The following SPATA13 variants were observed in gnomAD, a reference collection of about 807,000 sequenced individuals.
SPATA13 encodes spermatogenesis-associated protein 13.
In SPATA13, 50 loss-of-function variants were observed where a neutral mutation model predicts 104.0. The observed-to-expected ratio is 0.48, with a 90% confidence interval of 0.38 to 0.61. SPATA13 has a LOEUF of 0.61. Among genes scored for constraint, SPATA13 ranks in the 20% least tolerant of loss-of-function variants. The pLI, the probability that SPATA13 is intolerant of heterozygous loss-of-function variation, is 0.00. For synonymous variants in SPATA13, 606 were observed against 667.5 expected, an observed-to-expected ratio of 0.91 and a Z score of 1.42; for missense variants, 1,524 against 1,690.6, an observed-to-expected ratio of 0.90 and a Z score of 1.73.
At chr13:24,037,570 T>C (rs1038526393) in intron 3 of SPATA13, among the ~76,000 whole-genome samples, 1 of 151,168 alleles carries the variant, frequency 6.6e-6, no homozygotes, top group African/African-American at 2.4e-5. Flanking sequence ...CCACCACACC[T>C]GGCTAATTTT....
At chr13:24,105,269 C>T (rs1653067347) in intron 3 of SPATA13, among the ~76,000 whole-genome samples, 1 of 152,040 alleles carries the variant, frequency 6.6e-6, no homozygotes, top group African/African-American at 2.4e-5. Flanking sequence ...ACTACAGGTG[C>T]ACACCATCAT....
intron 3 of SPATA13, chr13:24,122,626 C>G (rs73461006): frequency 7.4e-7 from 1 of 1,349,222 alleles, no homozygotes. Flanking sequence ...CCTGTAAGAA[C>G]CTTTTTGCAC....
At chr13:24,173,453 A>G (rs1227492037) in intron 1 of SPATA13, among the ~76,000 whole-genome samples, 1 of 149,814 alleles carries the variant, frequency 6.7e-6, no homozygotes, top group African/African-American at 2.5e-5. Context: ...GTACAAATGG[A>G]ATGGCTTTAT....
chr13:24,224,015 C>A lies in SPATA13; in HGVS notation c.1086C>A (p.Ser362=), dbSNP rs748486836. Residue 362 remains serine (S), a synonymous_variant, in exon 2 of 13, where the codon TCC becomes TCA. Transcript: ENST00000382108. ...QAHSRLHDDY[S]RRVSRSTEQD... ...ACAGCCGGCTGCATGACGACTACTC[C>A]CGCCGCGTCTCCAGGAGCACTGAGC... The A allele has an allele frequency of 5.8e-6, 9 of 1,548,840 alleles. 1 individual carries two copies. In the South Asian group the frequency reaches 9.5e-5, roughly 16 times the overall value.
chr13:24,275,560 T>C (rs1023697082), intron 4 of SPATA13, among the ~76,000 whole-genome samples: 2 of 152,212 alleles, frequency 1.3e-5, no homozygotes. Context: ...TCATATTGAT[T>C]GTATGTAGGC....
rs1319987815 is a variant in SPATA13 at position 24,051,820 on chromosome 13, G to A, written c.-112+34119G>A. ...CCTGCTAAGAGTTATGTTCTCCAGG[G>A]CAGGGCAGAGGGAGATGCCCAAGGG... On this transcript the variant is annotated intron_variant, in intron 3 of 14. Transcript: ENST00000424834. The surrounding 1 kb of genome is among the most constrained non-coding windows in gnomAD (Gnocchi z 4.2). 6.6e-6 allele frequency among the ~76,000 whole-genome samples: 1 copy of A among 152,180 alleles called. No homozygotes were observed. Among genetic ancestry groups the A allele is most frequent in the Non-Finnish European group, 1.5e-5 (1 of 68,028 alleles).
Position 24,189,715 on chromosome 13 carries a change from G to A in SPATA13, c.-112+28783G>A, listed in dbSNP as rs866068132. Among the ~76,000 whole-genome samples, 58 of 21,618 alleles carry A rather than the reference G, an allele frequency of 2.7e-3. 10 individuals are homozygous for A. The highest frequency in any genetic ancestry group is 5.6e-3 in the African/African-American group (58 of 10,360). 14.2% of individuals were successfully genotyped at this position (21,618 alleles called of 152,430 possible). A position where few individuals can be genotyped will look rare whatever the true frequency, so the allele number is the denominator to read the frequency against. On this transcript the variant is annotated intron_variant, in intron 1 of 12. Transcript: ENST00000382108. Reference sequence around the variant, plus strand: ...AATATATAATATATTATATATAAAAGCATATATAATATATAATATATTATA... The same window carrying A: ...AATATATAATATATTATATATAAAAACATATATAATATATAATATATTATA...
intron 2 of SPATA13, among the ~76,000 whole-genome samples, chr13:24,225,410 A>G (rs1472972318): frequency 1.3e-5 from 2 of 152,212 alleles, no homozygotes; most frequent in East Asian, 3.8e-4. Context: ...GTGACGAGTG[A>G]AAGCTCAGAG....
intron 10 of SPATA13, among the ~76,000 whole-genome samples, chr13:24,295,937 GCACCCTGGCTT>G (rs1876750791): frequency 1.3e-5 from 2 of 152,192 alleles, no homozygotes; most frequent in Admixed American, 1.3e-4. Flanking sequence ...ACCCAAGCAG[GCACCCTGGCTT>G]CAAAGTCCGT....
At chr13:24,098,762 A>G (rs1329892818) in intron 3 of SPATA13, among the ~76,000 whole-genome samples, 1 of 151,914 alleles carries the variant, frequency 6.6e-6, no homozygotes, top group Non-Finnish European at 1.5e-5. Flanking sequence ...CCCCGTCTTT[A>G]CTAAAAACAC....
intron 4 of SPATA13, among the ~76,000 whole-genome samples, chr13:24,265,676 C>G (rs1389361198): frequency 6.6e-6 from 1 of 152,140 alleles, no homozygotes; most frequent in African/African-American, 2.4e-5. Flanking sequence ...TGTGCCCATC[C>G]TTCCGCCCAT....
intron 3 of SPATA13, among the ~76,000 whole-genome samples, chr13:24,060,865 C>T (rs1029256417): frequency 6.6e-6 from 1 of 152,154 alleles, no homozygotes; most frequent in Non-Finnish European, 1.5e-5. Context: ...ATGGCAAAAC[C>T]CCGCCTCTAC....
intron 2 of SPATA13, among the ~76,000 whole-genome samples, chr13:24,232,944 A>G (rs928424858): frequency 8.1e-4 from 123 of 152,226 alleles, no homozygotes; most frequent in African/African-American, 2.9e-3. Flanking sequence ...TGAGAACTCT[A>G]AGATTACAAA....
chr13:24,281,833 G>C (rs185391183), intron 4 of SPATA13, among the ~76,000 whole-genome samples: 1 of 152,146 alleles, frequency 6.6e-6, no homozygotes, highest in African/African-American at 2.4e-5. Flanking sequence ...GAGAGGCGCC[G>C]CTGGCAGCAC....
intron 2 of SPATA13, among the ~76,000 whole-genome samples, chr13:24,236,988 C>T (rs1290208496): frequency 6.6e-6 from 1 of 152,130 alleles, no homozygotes; most frequent in African/African-American, 2.4e-5. Flanking sequence ...AGGAAACAAC[C>T]CAAGTGTCTG....
chr13:24,143,722 TG>T (rs1220822056), intron 3 of SPATA13, among the ~76,000 whole-genome samples: 1 of 152,048 alleles, frequency 6.6e-6, no homozygotes, highest in Non-Finnish European at 1.5e-5. Flanking sequence ...CATCTAACAG[TG>T]GGGGCTGAGC....
intron 3 of SPATA13, among the ~76,000 whole-genome samples, chr13:24,064,008 C>T (rs1236496565): frequency 1.3e-5 from 2 of 152,180 alleles, no homozygotes; most frequent in African/African-American, 2.4e-5. Flanking sequence ...CTGGAGCAAA[C>T]GTGCCCTGGA....
chr13:24,056,197 T>C (rs776169191), intron 3 of SPATA13, among the ~76,000 whole-genome samples: 5 of 152,084 alleles, frequency 3.3e-5, no homozygotes, highest in Admixed American at 6.6e-5. Flanking sequence ...AATGAATAAA[T>C]AGGAAAAGTT....
rs199972084 is a variant in SPATA13 at position 24,189,499 on chromosome 13, A to G, written c.-112+28567A>G. On this transcript the variant is annotated intron_variant, in intron 1 of 12. Transcript: ENST00000382108. ...TCTCTCTCTCTATATATATACGTGT[A>G]TATATATATATAATATATTTAATAT... Among the ~76,000 whole-genome samples the G allele has an allele frequency of 0.016, 178 of 10,856 alleles. 9 individuals carry two copies. The South Asian group carries it at 0.33, about 20-fold the overall frequency. The allele number at this position is 10,856 out of a possible 152,430, so 7.1% of individuals were successfully genotyped here.
Sources: allele counts gnomAD v4.1 joint callset (sites outside exome capture counted in the v4.1 genomes callset), GRCh38; gene constraint gnomAD v4.1.1; non-coding constraint Gnocchi (gnomAD v3.1); transcripts MANE v1.5; gene names NCBI Gene and HGNC (gene_info 2026-07-23, HGNC 2026-07-21).